The following CSMD1 variants were observed in gnomAD, a reference collection of about 807,000 sequenced individuals.
CSMD1 encodes CUB and Sushi multiple domains 1.
In CSMD1, 213 loss-of-function variants were observed where a neutral mutation model predicts 417.5. That is an observed-to-expected ratio of 0.51 (90% CI 0.46 to 0.57). The LOEUF (loss-of-function observed/expected upper bound fraction) is 0.57, where lower values mean the gene tolerates loss of function less well. Among genes scored for constraint, CSMD1 ranks in the 20% least tolerant of loss-of-function variants. CSMD1 has a pLI of 0.00. For missense variants in CSMD1, 6,923 were observed against 4,529.7 expected (o/e 1.53, Z -15.17); for synonymous variants, 2,862 against 1,736.8 (o/e 1.65, Z -16.11).
At chr8:3,313,402 T>C (rs1584981906) in intron 23 of CSMD1, among the ~76,000 whole-genome samples, 1 of 151,972 alleles carries the variant, frequency 6.6e-6, no homozygotes, top group African/African-American at 2.4e-5. Flanking sequence ...CAATCTACAA[T>C]GAACTCAAAT....
At chr8:4,351,874 C>G (rs1225672130) in intron 3 of CSMD1, among the ~76,000 whole-genome samples, 2 of 151,552 alleles carry the variant, frequency 1.3e-5, no homozygotes, top group Admixed American at 6.6e-5. Flanking sequence ...TACGACAGGA[C>G]TTGTATGTGG....
chr8:4,262,697 G>A (rs1008170608), intron 3 of CSMD1, among the ~76,000 whole-genome samples: 2 of 152,080 alleles, frequency 1.3e-5, no homozygotes, highest in African/African-American at 4.8e-5. Flanking sequence ...CCAGCCTCAA[G>A]TTATCACTCA....
intron 2 of CSMD1, 93 bp from the exon 3 acceptor site, chr8:4,420,158 G>A: frequency 1.3e-6 from 1 of 766,070 alleles, no homozygotes. Context: ...CTTGAACAGT[G>A]GTATATTCAC....
chr8:4,158,412 G>C (rs4875295), intron 3 of CSMD1, among the ~76,000 whole-genome samples: 60,695 of 151,502 alleles, frequency 0.4, 12,324 homozygotes, highest in Non-Finnish European at 0.42. Context: ...TATTGCAAAA[G>C]GATATTGCAA....
chr8:3,223,593 G>C (rs1420016844), intron 28 of CSMD1, 136 bp downstream of exon 28: 19 of 810,956 alleles, frequency 2.3e-5, no homozygotes, highest in Non-Finnish European at 2.5e-5. Flanking sequence ...TTGCAGCCTG[G>C]TGTAGTCTCC....
chr8:4,534,197 T>C (rs11994887), intron 2 of CSMD1, among the ~76,000 whole-genome samples: 16,675 of 152,218 alleles, frequency 0.11, 973 homozygotes, highest in Non-Finnish European at 0.13. Flanking sequence ...CACAATTTAA[T>C]AGAGCACACC....
chr8:3,062,783 G>C (rs1812670696), intron 49 of CSMD1, among the ~76,000 whole-genome samples: 1 of 152,152 alleles, frequency 6.6e-6, no homozygotes, highest in Non-Finnish European at 1.5e-5. Context: ...GAAAGGCTCT[G>C]GCTTGGCAAA....
At chr8:4,387,592 A>AAAAAAAAAAAAAAAAAAT in intron 3 of CSMD1, among the ~76,000 whole-genome samples, 1 of 148,704 alleles carries the variant, frequency 6.7e-6, no homozygotes, top group Non-Finnish European at 1.5e-5. Context: ...AAAAAAAAAA[A>AAAAAAAAAAAAAAAAAAT]GAGTTGAATG....
At chr8:3,635,568 A>G (rs993916268) in intron 7 of CSMD1, among the ~76,000 whole-genome samples, 4 of 149,444 alleles carry the variant, frequency 2.7e-5, no homozygotes, top group African/African-American at 9.9e-5. Context: ...ACTGCAAGCT[A>G]CACATCCCAG....
intron 25 of CSMD1, among the ~76,000 whole-genome samples, chr8:3,300,193 A>G (rs1804278655): frequency 6.6e-6 from 1 of 152,236 alleles, no homozygotes; most frequent in South Asian, 2.1e-4. Context: ...TATTAACTCA[A>G]AATAAATGTT....
At chr8:3,015,628 C>G (rs1808767604) in intron 52 of CSMD1, among the ~76,000 whole-genome samples, 1 of 151,742 alleles carries the variant, frequency 6.6e-6, no homozygotes, top group South Asian at 2.1e-4. Context: ...ATCTCCTTAC[C>G]AACTGCATCT....
intron 36 of CSMD1, among the ~76,000 whole-genome samples, chr8:3,185,496 A>C (rs1280942383): frequency 6.6e-6 from 1 of 152,186 alleles, no homozygotes; most frequent in East Asian, 1.9e-4. Context: ...TCTGTCACAG[A>C]TTTATGACTG....
intron 6 of CSMD1, among the ~76,000 whole-genome samples, chr8:3,722,999 G>T (rs1184012558): frequency 6.6e-6 from 1 of 152,178 alleles, no homozygotes; most frequent in Non-Finnish European, 1.5e-5. Context: ...CAATTCTGCA[G>T]GTGAAGCTCA....
At chr8:3,628,546 C>A (rs1021058667) in intron 7 of CSMD1, among the ~76,000 whole-genome samples, 2 of 152,160 alleles carry the variant, frequency 1.3e-5, no homozygotes, top group African/African-American at 4.8e-5. Context: ...AAAGCCAGAG[C>A]TGGTTGGATG....
intron 2 of CSMD1, among the ~76,000 whole-genome samples, chr8:4,597,093 G>A (rs189038790): frequency 7.4e-6 from 1 of 135,414 alleles, no homozygotes; most frequent in Non-Finnish European, 1.6e-5. Context: ...CATGAAAACA[G>A]ACTAATACAA....
chr8:4,086,069 G>A (rs1345447643), intron 3 of CSMD1, among the ~76,000 whole-genome samples: 2 of 152,092 alleles, frequency 1.3e-5, no homozygotes, highest in African/African-American at 2.4e-5. Context: ...ATCAACAAAC[G>A]TATTTTTTCC....
intron 7 of CSMD1, among the ~76,000 whole-genome samples, chr8:3,656,075 C>T (rs942680903): frequency 1.3e-5 from 2 of 152,172 alleles, no homozygotes; most frequent in African/African-American, 2.4e-5. Context: ...TAATGCCCAG[C>T]ACCCCTGCTA....
intron 2 of CSMD1, among the ~76,000 whole-genome samples, chr8:4,522,712 G>A (rs1585198602): frequency 6.6e-6 from 1 of 152,202 alleles, no homozygotes; most frequent in African/African-American, 2.4e-5. Context: ...TACCAAAGCA[G>A]GCCAACCCCT....
chr8:3,664,322 T>C (rs759484007), intron 7 of CSMD1, among the ~76,000 whole-genome samples: 1 of 152,208 alleles, frequency 6.6e-6, no homozygotes, highest in Non-Finnish European at 1.5e-5. Flanking sequence ...CTCAGAATGA[T>C]GTTTTCCAGC....
Sources: gnomAD v4.1 joint callset for allele counts (sites outside exome capture counted in the v4.1 genomes callset) on GRCh38, gnomAD v4.1.1 for gene constraint, MANE v1.5 for transcripts, NCBI Gene and HGNC (gene_info 2026-07-23, HGNC 2026-07-21) for gene names.